The following MRTFB variants were observed in gnomAD, a reference collection of about 807,000 sequenced individuals.
The protein encoded by MRTFB is myocardin related transcription factor B, also known as myocardin-related transcription factor B.
Under a neutral mutation model 104.2 loss-of-function variants are expected in MRTFB, and 29 were observed. The observed-to-expected ratio is 0.28, with a 90% CI of 0.21 to 0.38. MRTFB has a LOEUF of 0.38. MRTFB is among the 10% of genes least tolerant of loss of function. The pLI is 1.00. For missense variants in MRTFB, 1,270 were observed against 1,341.6 expected (o/e 0.95, Z 0.83); for synonymous variants, 535 against 519.5 (o/e 1.03, Z -0.41).
chr16:14,145,092 A>G (rs2038241553), intron 3 of MRTFB, among the ~76,000 whole-genome samples: 5 of 151,080 alleles, frequency 3.3e-5, no homozygotes, highest in Admixed American at 3.3e-4. Flanking sequence ...TGAGCAGAGT[A>G]TGTTCACATC....
At chr16:14,056,633 G>A in the MRTFB span, among the ~76,000 whole-genome samples, 1 of 152,186 alleles carries the variant, frequency 6.6e-6, no homozygotes, top group Non-Finnish European at 1.5e-5. Flanking sequence ...ATGGTATTTA[G>A]AAACCAAGAT....
chr16:14,246,619 C>A lies in MRTFB; in HGVS notation c.1359C>A (p.Ala453=), dbSNP rs768099481. Residue 453 remains alanine (A), a synonymous_variant, in exon 12 of 17, where the codon GCC becomes GCA. Transcript: ENST00000571589. ...AGGIVAVSSS[A]IVTSNPEVTV... is the part of the protein sequence containing the mutation. ...GCATCGTGGCAGTGTCATCATCAGCCATTGTCACCAGTAACCCAGAAGTCA... is the reference window on the plus strand; with the variant it reads ...GCATCGTGGCAGTGTCATCATCAGCAATTGTCACCAGTAACCCAGAAGTCA... 2.5e-6 allele frequency: 4 copies of A among 1,614,138 alleles called. No homozygotes were observed. The South Asian group carries it at 4.4e-5, about 18-fold the overall frequency.
At chr16:14,123,512 T>G (rs543049925) in intron 2 of MRTFB, among the ~76,000 whole-genome samples, 8 of 152,334 alleles carry the variant, frequency 5.3e-5, no homozygotes, top group African/African-American at 1.9e-4. Context: ...TAGCCAGTTT[T>G]CCCAACACCA....
intron 12 of MRTFB, chr16:14,247,721 G>C: frequency 1.8e-6 from 1 of 569,122 alleles, no homozygotes. Flanking sequence ...TTCTAGTCCT[G>C]TTACCTTTTC....
chr16:14,150,527 G>A (rs2038561897), intron 3 of MRTFB, among the ~76,000 whole-genome samples: 1 of 152,106 alleles, frequency 6.6e-6, no homozygotes, highest in Non-Finnish European at 1.5e-5. Flanking sequence ...AATAAAGTAA[G>A]CTGGAGACAA....
chr16:14,219,129 G>C (rs2041568161), intron 8 of MRTFB, 131 bp downstream of exon 8: 2 of 910,176 alleles, frequency 2.2e-6, no homozygotes, highest in African/African-American at 3.6e-5. Context: ...GCAAAAAGCA[G>C]GCACTTAACT....
chr16:13,995,310 T>C, the MRTFB span, among the ~76,000 whole-genome samples: 1 of 152,162 alleles, frequency 6.6e-6, no homozygotes, highest in Non-Finnish European at 1.5e-5. Flanking sequence ...TTTTGTTTTG[T>C]TTTTTTCAGG....
Position 14,246,780 on chromosome 16 carries a change from C to T in MRTFB, c.1520C>T (p.Pro507Leu). ...GTTCATTCCCCTCTGCCCATTTCAC[C>T]ATCTCCCTCCGAACAGTCCAGTCTC... Reference protein sequence around the residue: ...ENVHSPLPISPSPSEQSSLST... With the variant: ...ENVHSPLPISLSPSEQSSLST... The change falls in exon 12 of 17, where the codon CCA (proline) becomes CTA (leucine). Residue 507 changes from proline to leucine, a missense_variant. Physicochemically the swap from Pro to Leu is moderately conservative, Grantham distance 98 (BLOSUM62 -3). Transcript: ENST00000571589. 1 of 1,613,890 alleles carries T rather than the reference C, an allele frequency of 6.2e-7. No homozygotes were observed. The highest frequency in any genetic ancestry group is 8.5e-7 in the Non-Finnish European group (1 of 1,180,024).
the MRTFB span, among the ~76,000 whole-genome samples, chr16:13,998,862 A>C: frequency 8.4e-6 from 1 of 118,788 alleles, no homozygotes; most frequent in Non-Finnish European, 1.7e-5. Context: ...ACAGAGTGAG[A>C]CTCTGTTTCA....
rs866677159 is a variant in MRTFB at position 14,262,088 on chromosome 16, T to G, written c.*644T>G. Reference sequence around the variant, plus strand: ...TACTTTATATTTCCAAATTTAAATTTAAATGCAAGATCTTTCAACATAAAC... The same window carrying G: ...TACTTTATATTTCCAAATTTAAATTGAAATGCAAGATCTTTCAACATAAAC... On this transcript the variant is annotated 3_prime_UTR_variant, in exon 17 of 17. Coordinates refer to ENST00000571589, the MANE Select transcript of MRTFB (RefSeq NM_001308142.2). 27 of 152,236 alleles carry G rather than the reference T, an allele frequency of 1.8e-4. No individual in the cohort carries two copies. Among genetic ancestry groups the G allele is most frequent in the African/African-American group, 5.1e-4 (21 of 41,458 alleles). The allele number at this position is 152,236 out of a possible 1,614,324, so 9.4% of individuals were successfully genotyped here. A position where few individuals can be genotyped will look rare whatever the true frequency, so the allele number is the denominator to read the frequency against.
intron 3 of MRTFB, among the ~76,000 whole-genome samples, chr16:14,146,532 G>A (rs1030283320): frequency 8.5e-5 from 13 of 152,144 alleles, no homozygotes; most frequent in Admixed American, 6.5e-4. Context: ...TCAGAAGTTT[G>A]CTGCACACAA....
At chr16:14,053,770 T>A in the MRTFB span, among the ~76,000 whole-genome samples, 1 of 150,338 alleles carries the variant, frequency 6.7e-6, no homozygotes, top group Non-Finnish European at 1.5e-5. Flanking sequence ...GTGGAGGGCA[T>A]CTGTGGTCCT....
chr16:14,004,258 C>T, the MRTFB span, among the ~76,000 whole-genome samples: 1 of 152,174 alleles, frequency 6.6e-6, no homozygotes, highest in East Asian at 1.9e-4. Flanking sequence ...GTCACTTTTC[C>T]CTTGGTTCCC....
intron 3 of MRTFB, among the ~76,000 whole-genome samples, chr16:14,207,023 C>A (rs901217091): frequency 1.3e-5 from 2 of 151,978 alleles, no homozygotes; most frequent in African/African-American, 4.8e-5. Flanking sequence ...TTCCTAACGT[C>A]GCTTAAAAAA....
intron 2 of MRTFB, among the ~76,000 whole-genome samples, chr16:14,112,232 G>A (rs2036308404): frequency 1.3e-5 from 2 of 152,208 alleles, no homozygotes; most frequent in Non-Finnish European, 2.9e-5. Flanking sequence ...GGAGACCCCG[G>A]TGGGATTAAC....
In MRTFB at chr16:14,246,470, C is replaced by CA. The variant is rs1342930549; in HGVS notation, c.1213-2dup. 3 of 1,612,806 alleles carry CA rather than the reference C, an allele frequency of 1.9e-6. No individual in the cohort carries two copies. Among genetic ancestry groups the CA allele is most frequent in the Non-Finnish European group, 1.7e-6 (2 of 1,179,030 alleles). ...AAGATATCTGCTTTGTTTGTACCTC[C>CA]AGGTATCAGAACTGAAGACAGAACT... On this transcript the variant is annotated splice_region_variant and splice_polypyrimidine_tract_variant and intron_variant, in intron 11 of 16. Coordinates refer to ENST00000571589, the MANE Select transcript of MRTFB (RefSeq NM_001308142.2).
intron 9 of MRTFB, among the ~76,000 whole-genome samples, chr16:14,238,188 A>C (rs530121749): frequency 1.3e-5 from 2 of 152,294 alleles, no homozygotes; most frequent in African/African-American, 4.8e-5. Flanking sequence ...TGTAGTGGCC[A>C]AGGATGCCAC....
chr16:14,207,567 T>C (rs1189604888), intron 3 of MRTFB, among the ~76,000 whole-genome samples: 1 of 152,100 alleles, frequency 6.6e-6, no homozygotes, highest in Admixed American at 6.5e-5. Flanking sequence ...GTGGTTTTTG[T>C]ATGCTACTGA....
chr16:14,241,830 T>C (rs1423658778), intron 10 of MRTFB, among the ~76,000 whole-genome samples: 1 of 152,040 alleles, frequency 6.6e-6, no homozygotes, highest in Admixed American at 6.6e-5. Flanking sequence ...GAGTGAGCTA[T>C]TGACATTGGA....
Sources: gnomAD v4.1 joint callset for allele counts (sites outside exome capture counted in the v4.1 genomes callset) on GRCh38, gnomAD v4.1.1 for gene constraint, MANE v1.5 for transcripts, NCBI Gene and HGNC (gene_info 2026-07-23, HGNC 2026-07-21) for gene names.